RDH8: variants seen among roughly 807,000 people sequenced by gnomAD.
The protein encoded by RDH8 is retinol dehydrogenase 8.
Under a neutral mutation model 22.3 loss-of-function variants are expected in RDH8, and 14 were observed. That is an observed-to-expected ratio of 0.63 (90% CI 0.42 to 0.98). The LOEUF is 0.98. Ranked by LOEUF, RDH8 falls within the 50% of genes least tolerant of loss-of-function variation. The probability of loss-of-function intolerance (pLI) is 0.00; values close to 1 mark genes in which losing one functional copy is unlikely to be tolerated. For missense variants in RDH8, 389 were observed against 409.8 expected (o/e 0.95, Z 0.44); for synonymous variants, 175 against 171.7 (o/e 1.02, Z -0.15).
In RDH8 at chr19:10,013,590, G is replaced by A. The variant is rs764931777; in HGVS notation, c.93G>A (p.Lys31=). The change falls in exon 1 of 6, where the codon AAG becomes AAA. Residue 31 remains lysine, a synonymous_variant. Coordinates refer to ENST00000591589, the MANE Select transcript of RDH8 (RefSeq NM_015725.4). ...LAVQLAHDPK[K]RYQVVATMRD... ...TGCAACTGGCCCATGACCCCAAGAA[G>A]CGCTACCAGGGTAAGAAGTGCAGGG... 6.2e-7 allele frequency: 1 copy of A among 1,614,010 alleles called. No individual in the cohort carries two copies.
At chr19:10,020,859 G>A (rs939150371) in intron 4 of RDH8, 57 bp downstream of exon 4, 42 of 1,250,502 alleles carry the variant, frequency 3.4e-5, no homozygotes, top group African/African-American at 1.0e-4. Flanking sequence ...AGGTGGCATC[G>A]AAAGGGGGAG....
intron 2 of RDH8, among the ~76,000 whole-genome samples, chr19:10,018,223 C>T (rs981920184): frequency 1.3e-5 from 2 of 151,832 alleles, no homozygotes. Flanking sequence ...AGATTACAGG[C>T]ATGAGCCACC....
chr19:10,014,091 G>A (rs2087590199), intron 1 of RDH8, among the ~76,000 whole-genome samples: 1 of 152,168 alleles, frequency 6.6e-6, no homozygotes, highest in African/African-American at 2.4e-5. Flanking sequence ...GACCTTGGGG[G>A]TTGAAGGGAT....
chr19:10,013,646 CT>C, intron 1 of RDH8, 46 bp downstream of exon 1: 1 of 1,605,420 alleles, frequency 6.2e-7, no homozygotes, highest in Non-Finnish European at 8.5e-7. Flanking sequence ...GTGGAAACGG[CT>C]TCCCCAGCAC....
intron 2 of RDH8, among the ~76,000 whole-genome samples, chr19:10,018,376 T>C (rs550243276): frequency 2.0e-5 from 3 of 152,190 alleles, no homozygotes; most frequent in African/African-American, 7.2e-5. Flanking sequence ...GGAAAATTAC[T>C]TGGATGAGTC....
chr19:10,021,845 C>A lies in RDH8; in HGVS notation c.*96C>A. On this transcript the variant is annotated 3_prime_UTR_variant, in exon 6 of 6. Transcript: ENST00000591589. ...TGAACAGACTCTTCATTTATTCATT[C>A]TGCAAACTCCCCCTCCCCTCCTCTG... 7.9e-7 allele frequency: 1 copy of A among 1,258,962 alleles called. No homozygotes were observed. The highest frequency in any genetic ancestry group is 1.1e-6 in the Non-Finnish European group (1 of 906,168). The allele number at this position is 1,258,962 out of a possible 1,614,324, so 78.0% of individuals were successfully genotyped here.
At chr19:10,021,164 A>G in intron 4 of RDH8, 91 bp from the exon 5 acceptor site, 2 of 1,234,146 alleles carry the variant, frequency 1.6e-6, no homozygotes, top group South Asian at 1.4e-5. Flanking sequence ...ACAGAGTGAG[A>G]CCCTGTATCT....
chr19:10,019,872 G>C (rs2145168399), intron 3 of RDH8, among the ~76,000 whole-genome samples: 1 of 152,230 alleles, frequency 6.6e-6, no homozygotes, highest in East Asian at 1.9e-4. Flanking sequence ...CAGATGTGGT[G>C]GTTCATGCCT....
intron 2 of RDH8, among the ~76,000 whole-genome samples, chr19:10,017,647 CA>C (rs2087629378): frequency 1.3e-5 from 2 of 151,970 alleles, no homozygotes; most frequent in South Asian, 4.1e-4. Context: ...GACCTTGTCT[CA>C]AAAATAATTT....
chr19:10,014,600 T>C (rs560157422), intron 1 of RDH8, among the ~76,000 whole-genome samples: 6 of 152,216 alleles, frequency 3.9e-5, no homozygotes, highest in African/African-American at 1.4e-4. Context: ...AGTGCAGTGG[T>C]GCATCTTGGC....
intron 1 of RDH8, among the ~76,000 whole-genome samples, chr19:10,015,079 G>A (rs2087600279): frequency 6.6e-6 from 1 of 152,212 alleles, no homozygotes; most frequent in African/African-American, 2.4e-5. Flanking sequence ...GTGATTATGG[G>A]TGCACACATT....
In RDH8 at chr19:10,021,524, C is replaced by T; in HGVS notation, c.721-10C>T. ...CCTGGGTCCCAGCGCTCAGGGCCTCCATTCTGCAGGCCATTGTCAACGTCA... is the reference window on the plus strand; with the variant it reads ...CCTGGGTCCCAGCGCTCAGGGCCTCTATTCTGCAGGCCATTGTCAACGTCA... On this transcript the variant is annotated splice_polypyrimidine_tract_variant and intron_variant, in intron 5 of 5. Coordinates refer to ENST00000591589, the MANE Select transcript of RDH8 (RefSeq NM_015725.4). The T allele has an allele frequency of 6.2e-7, 1 of 1,614,138 alleles. No homozygotes were observed. The highest frequency in any genetic ancestry group is 8.5e-7 in the Non-Finnish European group (1 of 1,180,026).
chr19:10,013,625 G>A, intron 1 of RDH8, 25 bp downstream of exon 1: 2 of 1,613,194 alleles, frequency 1.2e-6, no homozygotes, highest in Non-Finnish European at 1.7e-6. Flanking sequence ...GTGGCACTAG[G>A]AGGCAGCCGG....
chr19:10,016,123 T>TCTTATTTA (rs1555744186), intron 1 of RDH8, among the ~76,000 whole-genome samples: 1 of 138,878 alleles, frequency 7.2e-6, no homozygotes, highest in Non-Finnish European at 1.5e-5. Flanking sequence ...AGAAACTTTA[T>TCTTATTTA]CTTATTTATT....
chr19:10,017,161 G>A lies in RDH8; in HGVS notation c.208G>A (p.Asp70Asn), dbSNP rs564353076. 6.2e-7 allele frequency: 1 copy of A among 1,611,506 alleles called. No individual in the cohort carries two copies. Among genetic ancestry groups the A allele is most frequent in the South Asian group, 1.1e-5 (1 of 90,712 alleles). ...LTVAQLDVCS[D>N]ESVAQCLSCI... ...CGTGGCCCAGCTGGACGTGTGCAGT[G>A]ATGAGTCGGTGGCCCAGTGTCTCAG... The change falls in exon 2 of 6, where the codon GAT (aspartate) becomes AAT (asparagine). Residue 70 changes from aspartate to asparagine, a missense_variant. Physicochemically the swap from Asp to Asn is conservative, Grantham distance 23. Coordinates refer to ENST00000591589, the MANE Select transcript of RDH8 (RefSeq NM_015725.4).
In RDH8 at chr19:10,021,567, C is replaced by T; in HGVS notation, c.754C>T (p.Pro252Ser). The part of the protein sequence containing the change: ...IVNVISSTRP[P>S]LRRQTNIRYS... ...CAACGTCATCAGCTCGACTCGACCA[C>T]CCCTGCGCCGACAGACCAACATCCG... The change falls in exon 6 of 6, where the codon CCC becomes TCC. Residue 252 changes from proline to serine, a missense_variant. Pro to Ser is a moderately conservative substitution (Grantham distance 74, BLOSUM62 -1). Transcript: ENST00000591589. The T allele has an allele frequency of 1.9e-6, 3 of 1,614,164 alleles. No individual in the cohort carries two copies. The highest frequency in any genetic ancestry group is 2.5e-6 in the Non-Finnish European group (3 of 1,180,046).
chr19:10,015,370 G>A lies in RDH8; in HGVS notation c.104-1687G>A, dbSNP rs150604020. On this transcript the variant is annotated intron_variant, in intron 1 of 5. Transcript: ENST00000591589. ...CGGGAGGCTGAGGCAGAAGAATGGC[G>A]TGAACCTGTGGGGTGGAGCTTGCAG... Among the ~76,000 whole-genome samples the A allele has an allele frequency of 5.3e-5, 8 of 151,936 alleles. No individual in the cohort carries two copies. In the East Asian group the frequency reaches 5.8e-4, roughly 11 times the overall value.
Position 10,021,328 on chromosome 19 carries a change from G to A in RDH8, c.610G>A (p.Glu204Lys), listed in dbSNP as rs1285366098. 3 of 1,614,012 alleles carry A rather than the reference G, an allele frequency of 1.9e-6. No homozygotes were observed. The East Asian group carries it at 6.7e-5, about 36-fold the overall frequency. The change falls in exon 5 of 6, where the codon GAG (glutamate) becomes AAG (lysine). Residue 204 changes from glutamate (E) to lysine (K), a missense_variant. By Grantham distance (56) the Glu-to-Lys change is moderately conservative. Transcript: ENST00000591589. ...GCTTCTGGCGCAGGTTTCTATGGCT[G>A]AGTTCCCAGGCACTGACCCTGAGAC... ...GKLLAQVSMA[E>K]FPGTDPETLH...
At position 10,017,000 on chromosome 19, in the gene RDH8, C is replaced by T. The variant is rs1401879833; in HGVS notation, c.104-57C>T. The T allele has an allele frequency of 3.5e-6, 5 of 1,434,482 alleles. No homozygotes were observed. The Admixed American group carries it at 1.0e-4, about 29-fold the overall frequency. 88.9% of individuals were successfully genotyped at this position (1,434,482 alleles called of 1,614,324 possible). ...ACGCAAGATCACAGACACGTGGCGC[C>T]CACACCAAGGGGAAAGGAGCTCAGT... On this transcript the variant is annotated intron_variant, in intron 1 of 5. Transcript: ENST00000591589.
Sources: allele counts gnomAD v4.1 joint callset (sites outside exome capture counted in the v4.1 genomes callset), GRCh38; gene constraint gnomAD v4.1.1; transcripts MANE v1.5; gene names NCBI Gene and HGNC (gene_info 2026-07-23, HGNC 2026-07-21).